Variants in MAMDC2 observed in about 807,000 individuals in gnomAD.
The protein encoded by MAMDC2 is MAM domain containing 2.
MAMDC2 carries 57 observed loss-of-function variants against 89.8 expected under a neutral mutation model. The ratio of observed to expected loss-of-function variants is 0.63; its 90% CI spans 0.51 to 0.79. The LOEUF (loss-of-function observed/expected upper bound fraction) is 0.79, where lower values mean the gene tolerates loss of function less well. MAMDC2 is among the 30% of genes least tolerant of loss of function. The pLI is 0.00. For synonymous variants in MAMDC2, 313 were observed against 293.4 expected (o/e 1.07, Z -0.68); for missense variants, 800 against 820.6 (o/e 0.97, Z 0.31).
Position 70,204,676 on chromosome 9 carries a change from GA to G in MAMDC2, c.1652-13660del, listed in dbSNP as rs539650552. 3.2e-3 allele frequency among the ~76,000 whole-genome samples: 487 copies of G among 151,802 alleles called. 1 individual carries two copies. Among genetic ancestry groups the G allele is most frequent in the African/African-American group, 0.011 (463 of 41,476 alleles). On this transcript the variant is annotated intron_variant, in intron 11 of 13. Transcript: ENST00000377182. ...CAGCCTCGCTGGCGCCTTGCAGTTTGATCTCAGACTGCTGTGCTAGCAATCA... is the reference window on the plus strand; with the variant it reads ...CAGCCTCGCTGGCGCCTTGCAGTTTGTCTCAGACTGCTGTGCTAGCAATCA...
intron 2 of MAMDC2, among the ~76,000 whole-genome samples, chr9:70,064,917 A>G (rs1255595790): frequency 6.6e-6 from 1 of 152,234 alleles, no homozygotes; most frequent in African/African-American, 2.4e-5. Flanking sequence ...CTACAAAACA[A>G]AACAAAGCAA....
At chr9:70,209,574 T>A (rs1289488047) in intron 11 of MAMDC2, among the ~76,000 whole-genome samples, 1 of 136,166 alleles carries the variant, frequency 7.3e-6, no homozygotes, top group Non-Finnish European at 1.6e-5. Flanking sequence ...TTGATCTTTT[T>A]AAAAAACCAG....
At chr9:70,205,596 C>G (rs1277512373) in intron 11 of MAMDC2, among the ~76,000 whole-genome samples, 1 of 152,176 alleles carries the variant, frequency 6.6e-6, no homozygotes, top group Admixed American at 6.5e-5. Context: ...TGGAATGTGT[C>G]TGTGTGTCTC....
intron 2 of MAMDC2, among the ~76,000 whole-genome samples, chr9:70,107,587 G>A (rs907867924): frequency 6.6e-6 from 1 of 152,162 alleles, no homozygotes; most frequent in Non-Finnish European, 1.5e-5. Flanking sequence ...TCATGGAAGA[G>A]TCAAGGGAAG....
intron 2 of MAMDC2, among the ~76,000 whole-genome samples, chr9:70,047,356 G>A (rs1489195165): frequency 6.6e-6 from 1 of 151,600 alleles, no homozygotes; most frequent in African/African-American, 2.4e-5. Flanking sequence ...CTCCCCTTGC[G>A]CCCCACCCCC....
intron 2 of MAMDC2, among the ~76,000 whole-genome samples, chr9:70,103,024 G>A (rs1424421879): frequency 6.6e-6 from 1 of 152,208 alleles, no homozygotes; most frequent in Non-Finnish European, 1.5e-5. Flanking sequence ...GATGAGAAAA[G>A]GGAGTATGTC....
At chr9:70,152,330 T>G (rs1466505446) in intron 9 of MAMDC2, among the ~76,000 whole-genome samples, 2 of 152,160 alleles carry the variant, frequency 1.3e-5, no homozygotes, top group East Asian at 3.9e-4. Context: ...ATGGACAGAT[T>G]CTGTGAGATA....
At chr9:70,146,291 C>A (rs2031402259) in intron 9 of MAMDC2, among the ~76,000 whole-genome samples, 1 of 152,136 alleles carries the variant, frequency 6.6e-6, no homozygotes, top group Non-Finnish European at 1.5e-5. Flanking sequence ...TGGATCTAGA[C>A]CCAGTTGGGG....
intron 10 of MAMDC2, 93 bp from the exon 11 acceptor site, chr9:70,170,386 C>T: frequency 2.1e-6 from 3 of 1,418,348 alleles, no homozygotes; most frequent in Non-Finnish European, 2.9e-6. Flanking sequence ...TGGCATATGG[C>T]CAGACAACAT....
At chr9:70,155,251 A>G (rs1368123246) in intron 9 of MAMDC2, among the ~76,000 whole-genome samples, 2 of 151,930 alleles carry the variant, frequency 1.3e-5, no homozygotes, top group African/African-American at 4.8e-5. Context: ...ATTCAGGTCT[A>G]TTTTCACTCG....
chr9:70,202,555 T>C (rs1371471996), intron 11 of MAMDC2, among the ~76,000 whole-genome samples: 7 of 150,250 alleles, frequency 4.7e-5, no homozygotes, highest in Non-Finnish European at 1.0e-4. Context: ...GAGAGTTCTG[T>C]AGATGTCTAT....
chr9:70,090,385 A>C (rs1374185259), intron 2 of MAMDC2, among the ~76,000 whole-genome samples: 1 of 151,308 alleles, frequency 6.6e-6, no homozygotes, highest in African/African-American at 2.4e-5. Flanking sequence ...TTGGAAGGCT[A>C]AGGTGGGAGG....
At chr9:70,097,294 T>C (rs1038261792) in intron 2 of MAMDC2, among the ~76,000 whole-genome samples, 5 of 152,230 alleles carry the variant, frequency 3.3e-5, no homozygotes, top group Admixed American at 3.3e-4. Context: ...GCAAATTTTT[T>C]CTTATAAATG....
At chr9:70,046,527 G>A (rs1826757552) in intron 2 of MAMDC2, among the ~76,000 whole-genome samples, 1 of 152,152 alleles carries the variant, frequency 6.6e-6, no homozygotes, top group Non-Finnish European at 1.5e-5. Flanking sequence ...TCAGGATGGG[G>A]GCCCCCTCAC....
At chr9:70,206,138 T>C (rs962905541) in intron 11 of MAMDC2, among the ~76,000 whole-genome samples, 2 of 152,148 alleles carry the variant, frequency 1.3e-5, no homozygotes, top group African/African-American at 4.8e-5. Flanking sequence ...CATAAAGTAG[T>C]CCTCCCTTAT....
At chr9:70,108,793 T>C (rs1032354320) in intron 3 of MAMDC2, among the ~76,000 whole-genome samples, 2 of 152,236 alleles carry the variant, frequency 1.3e-5, no homozygotes, top group Admixed American at 1.3e-4. Flanking sequence ...CTCATTTCTA[T>C]AATTTTATTT....
chr9:70,094,041 A>G (rs760424589), intron 2 of MAMDC2: 4 of 152,200 alleles, frequency 2.6e-5, no homozygotes, highest in African/African-American at 4.8e-5. Context: ...GACAGACCCT[A>G]TGACAAAGGG....
At chr9:70,126,727 A>G (rs2118344772) in intron 6 of MAMDC2, among the ~76,000 whole-genome samples, 2 of 152,200 alleles carry the variant, frequency 1.3e-5, no homozygotes, top group East Asian at 1.9e-4. Context: ...GTGGTCACAG[A>G]GGGTTCAAAA....
chr9:70,175,101 C>G (rs1177571840), intron 11 of MAMDC2, among the ~76,000 whole-genome samples: 1 of 152,162 alleles, frequency 6.6e-6, no homozygotes, highest in Non-Finnish European at 1.5e-5. Context: ...GCGATCTGAT[C>G]TAATTTTATA....
Sources: gnomAD v4.1 joint callset for allele counts (sites outside exome capture counted in the v4.1 genomes callset) on GRCh38, gnomAD v4.1.1 for gene constraint, MANE v1.5 for transcripts, NCBI Gene and HGNC (gene_info 2026-07-23, HGNC 2026-07-21) for gene names.